Variants in SETBP1 observed in about 807,000 individuals in gnomAD.
SETBP1 encodes SET-binding protein.
In SETBP1, 9 loss-of-function variants were observed where a neutral mutation model predicts 101.0. The observed-to-expected ratio is 0.09, with a 90% confidence interval of 0.05 to 0.16. SETBP1 has a LOEUF of 0.16. Ranked by LOEUF, SETBP1 falls within the 10% of genes least tolerant of loss-of-function variation. The pLI, the probability that SETBP1 is intolerant of heterozygous loss-of-function variation, is 1.00. For synonymous variants in SETBP1, 818 were observed against 788.5 expected, an observed-to-expected ratio of 1.04 and a Z score of -0.63; for missense variants, 1,858 against 2,033.8, an observed-to-expected ratio of 0.91 and a Z score of 1.66.
chr18:44,739,749 A>G (rs1347548037), intron 2 of SETBP1, among the ~76,000 whole-genome samples: 1 of 152,242 alleles, frequency 6.6e-6, no homozygotes, highest in East Asian at 1.9e-4. Flanking sequence ...TTTAAAAACC[A>G]GTATACTGGG....
intron 5 of SETBP1, among the ~76,000 whole-genome samples, chr18:45,057,460 T>C (rs2073828216): frequency 6.6e-6 from 1 of 152,154 alleles, no homozygotes; most frequent in South Asian, 2.1e-4. Context: ...TCACATAGTA[T>C]GCACCAGATC....
intron 2 of SETBP1, among the ~76,000 whole-genome samples, chr18:44,826,321 C>T (rs1295513739): frequency 6.6e-6 from 1 of 152,206 alleles, no homozygotes; most frequent in African/African-American, 2.4e-5. Context: ...CCGTCAGTCC[C>T]TGGCCCTCGC....
At chr18:44,851,663 A>G (rs1053780299) in intron 2 of SETBP1, among the ~76,000 whole-genome samples, 2 of 152,196 alleles carry the variant, frequency 1.3e-5, no homozygotes, top group Admixed American at 1.3e-4. Flanking sequence ...AGCCAGGCAC[A>G]TAATATGCTT....
chr18:44,863,039 G>A (rs2044219), intron 2 of SETBP1, among the ~76,000 whole-genome samples: 8,727 of 152,260 alleles, frequency 0.057, 243 homozygotes, highest in Middle Eastern at 0.12. Context: ...TTGTATGACA[G>A]TGTTTCACTT....
At chr18:44,820,299 G>A (rs951201322) in intron 2 of SETBP1, among the ~76,000 whole-genome samples, 1 of 152,222 alleles carries the variant, frequency 6.6e-6, no homozygotes, top group African/African-American at 2.4e-5. Flanking sequence ...TGGTTGGCAG[G>A]TGTAAATGTT....
intron 3 of SETBP1, among the ~76,000 whole-genome samples, chr18:44,893,480 A>C (rs1419415659): frequency 1.3e-5 from 2 of 152,092 alleles, no homozygotes; most frequent in Non-Finnish European, 2.9e-5. Flanking sequence ...CATACCCTTC[A>C]CCCTGCTTTC....
At chr18:44,880,890 G>A (rs1011662500) in intron 3 of SETBP1, among the ~76,000 whole-genome samples, 1 of 152,160 alleles carries the variant, frequency 6.6e-6, no homozygotes, top group Non-Finnish European at 1.5e-5. Flanking sequence ...TGAGATCTGG[G>A]TGGGGACAAA....
At chr18:44,764,303 T>C (rs1044721665) in intron 2 of SETBP1, among the ~76,000 whole-genome samples, 2 of 152,238 alleles carry the variant, frequency 1.3e-5, no homozygotes, top group African/African-American at 4.8e-5. Flanking sequence ...CTGCAGTACT[T>C]GCCCCTGATT....
intron 2 of SETBP1, among the ~76,000 whole-genome samples, chr18:44,844,668 A>G (rs2072689675): frequency 1.3e-5 from 2 of 152,066 alleles, no homozygotes; most frequent in Admixed American, 1.3e-4. Context: ...GCAGGCTCTT[A>G]CCAACAAGCG....
At chr18:44,694,808 A>G (rs2068988352) in intron 1 of SETBP1, among the ~76,000 whole-genome samples, 1 of 152,220 alleles carries the variant, frequency 6.6e-6, no homozygotes. Flanking sequence ...AAACACTTAA[A>G]ACAAGGTAAA....
rs756556314 is a variant in SETBP1 at position 44,950,576 on chromosome 18, T to G, written c.1236T>G (p.Asp412Glu). 1.2e-6 allele frequency: 2 copies of G among 1,613,922 alleles called. No individual in the cohort carries two copies. The highest frequency in any genetic ancestry group is 1.6e-4 in the Middle Eastern group (1 of 6,062). ...TCCCCATCAAGGCACCCTCTCTGGA[T>G]CCAACCAACCATAAGAGGAAAAAAA... is the stretch of plus-strand genomic sequence containing the variant. The part of the protein sequence containing the change: ...ITIPIKAPSL[D>E]PTNHKRKKRQ... The change falls in exon 4 of 6, where the codon GAT becomes GAG. Residue 412 changes from aspartate to glutamate, a missense_variant. Asp to Glu is a conservative substitution (Grantham distance 45). Around this residue, in one of 12 missense-constraint regions of SETBP1, gnomAD observed 581 missense variants for 535.1 expected, o/e 1.09. Coordinates refer to ENST00000649279, the MANE Select transcript of SETBP1 (RefSeq NM_015559.3).
At chr18:44,881,067 A>G (rs1736000872) in intron 3 of SETBP1, among the ~76,000 whole-genome samples, 1 of 152,194 alleles carries the variant, frequency 6.6e-6, no homozygotes, top group Non-Finnish European at 1.5e-5. Context: ...ACATTTCTGT[A>G]ATGCTTTCTG....
chr18:44,733,800 C>T (rs948066599), intron 2 of SETBP1, among the ~76,000 whole-genome samples: 1 of 152,118 alleles, frequency 6.6e-6, no homozygotes, highest in African/African-American at 2.4e-5. Context: ...CTGGGAGAGG[C>T]CCTATTCCTG....
chr18:44,957,927 C>T (rs191218990), intron 4 of SETBP1, among the ~76,000 whole-genome samples: 1 of 152,228 alleles, frequency 6.6e-6, no homozygotes, highest in East Asian at 1.9e-4. Flanking sequence ...ATTCCAAGTC[C>T]AATTCTGAGT....
intron 3 of SETBP1, among the ~76,000 whole-genome samples, chr18:44,902,158 G>A (rs1312056492): frequency 6.6e-6 from 1 of 152,086 alleles, no homozygotes; most frequent in Non-Finnish European, 1.5e-5. Context: ...GACAGTGCAG[G>A]TGTGTAATAG....
chr18:44,942,474 C>T (rs1392452609), intron 3 of SETBP1, among the ~76,000 whole-genome samples: 4 of 152,124 alleles, frequency 2.6e-5, no homozygotes, highest in Admixed American at 2.6e-4. Flanking sequence ...ATTCCATTTC[C>T]CTCAGGAGCC....
At chr18:44,812,227 C>T (rs1280845944) in intron 2 of SETBP1, among the ~76,000 whole-genome samples, 5 of 152,218 alleles carry the variant, frequency 3.3e-5, no homozygotes, top group African/African-American at 1.2e-4. Context: ...TGTCCCCCAC[C>T]GCCACATACA....
rs533997518 is a variant in SETBP1, at chr18:44,818,812, G to A, written c.487-50418G>A. ...CCATCATAACACGATTATATTTAGC[G>A]GTTAACCAGTGCCCTTCCACCATCT... is the stretch of plus-strand genomic sequence containing the variant. On this transcript the variant is annotated intron_variant, in intron 2 of 5. Transcript: ENST00000649279. 3.6e-4 allele frequency among the ~76,000 whole-genome samples: 54 copies of A among 151,184 alleles called. 1 individual carries two copies. The highest frequency in any genetic ancestry group is 6.8e-3 in the Middle Eastern group (2 of 292).
At chr18:44,870,818 G>T (rs955045338) in intron 3 of SETBP1, 1 of 152,214 alleles carries the variant, frequency 6.6e-6, no homozygotes, top group African/African-American at 2.4e-5. Flanking sequence ...GTGTGTGTGC[G>T]CGTGGTTTTG....
Sources: gnomAD v4.1 joint callset for allele counts (sites outside exome capture counted in the v4.1 genomes callset) on GRCh38, gnomAD v4.1.1 for gene constraint, gnomAD v4.1.1 regional missense constraint, MANE v1.5 for transcripts, NCBI Gene and HGNC (gene_info 2026-07-23, HGNC 2026-07-21) for gene names.